The following NRP2 variants were observed in gnomAD, a reference collection of about 807,000 sequenced individuals.
NRP2 encodes the protein neuropilin-2.
NRP2 carries 52 observed loss-of-function variants against 110.4 expected under a neutral mutation model. That is an observed-to-expected ratio of 0.47 (90% CI 0.38 to 0.59). The LOEUF is 0.59. NRP2 is among the 20% of genes least tolerant of loss of function. The probability of loss-of-function intolerance (pLI) is 0.00; values close to 1 mark genes in which losing one functional copy is unlikely to be tolerated. For synonymous variants in NRP2, 508 were observed against 468.9 expected, an observed-to-expected ratio of 1.08 and a Z score of -1.08; for missense variants, 1,049 against 1,203.0, an observed-to-expected ratio of 0.87 and a Z score of 1.89.
At position 205,682,897 on chromosome 2, in the gene NRP2, A is replaced by C. The variant is rs537018123; in HGVS notation, c.-394A>C. 1.9e-5 allele frequency: 4 copies of C among 214,542 alleles called. No homozygotes were observed. The highest frequency in any genetic ancestry group is 7.0e-5 in the African/African-American group (3 of 42,796). The allele number at this position is 214,542 out of a possible 1,614,324, so 13.3% of individuals were successfully genotyped here. A position where few individuals can be genotyped will look rare whatever the true frequency, so the allele number is the denominator to read the frequency against. ...CACACAGCTGCCTGGGGGCCGTGTG[A>C]TGCCCAAGGCAAGTCTTGGTTTTAA... On this transcript the variant is annotated 5_prime_UTR_variant, in exon 1 of 17. It removes an upstream start codon present in the reference 5' UTR. Transcript: ENST00000357785. This position sits in a 1 kb window ranked among gnomAD's most constrained non-coding sequence, Gnocchi z 4.3.
At chr2:205,697,264 G>A (rs887754879) in intron 1 of NRP2, among the ~76,000 whole-genome samples, 3 of 150,882 alleles carry the variant, frequency 2.0e-5, no homozygotes, top group African/African-American at 4.9e-5. Context: ...TTTAATCACA[G>A]ACCATGTAAT....
intron 3 of NRP2, among the ~76,000 whole-genome samples, chr2:205,718,595 T>C (rs1367174652): frequency 6.6e-6 from 1 of 152,198 alleles, no homozygotes; most frequent in Non-Finnish European, 1.5e-5. Flanking sequence ...GGGCCACTCG[T>C]ACCTGCCGTC....
chr2:205,686,379 C>A lies in NRP2; in HGVS notation c.73+3016C>A, dbSNP rs1328728757. On this transcript the variant is annotated intron_variant, in intron 1 of 16. Transcript: ENST00000357785. The surrounding 1 kb of genome is among the most constrained non-coding windows in gnomAD (Gnocchi z 4.7). ...CGAGTTCCCGCCTCCCCTCCCCAGC[C>A]GCCTCGCTCTTTGCTTTTCCACGTG... Among the ~76,000 whole-genome samples the A allele has an allele frequency of 6.6e-6, 1 of 152,220 alleles. No individual in the cohort carries two copies. The highest frequency in any genetic ancestry group is 1.5e-5 in the Non-Finnish European group (1 of 68,048).
At position 205,725,990 on chromosome 2, in the gene NRP2, T is replaced by C; in HGVS notation, c.898T>C (p.Ser300Pro). 6.2e-7 allele frequency: 1 copy of C among 1,614,086 alleles called. No individual in the cohort carries two copies. The highest frequency in any genetic ancestry group is 1.3e-5 in the African/African-American group (1 of 75,024). ...ACAGATCAGTGCCTCATCTACCTAC[T>C]CTGATGGGAGGTGGACCCCTCAACA... The part of the protein sequence containing the change: ...NEQISASSTY[S>P]DGRWTPQQSR... The change falls in exon 6 of 17, where the codon TCT (serine) becomes CCT (proline). Residue 300 changes from serine (S) to proline (P), a missense_variant. Physicochemically the swap from Ser to Pro is moderately conservative, Grantham distance 74 (BLOSUM62 -1). Transcript: ENST00000357785. The surrounding 1 kb of genome is among the most constrained non-coding windows in gnomAD (Gnocchi z 4.1).
chr2:205,684,956 A>C (rs1423642622), intron 1 of NRP2, among the ~76,000 whole-genome samples: 1 of 152,220 alleles, frequency 6.6e-6, no homozygotes, highest in African/African-American at 2.4e-5. Flanking sequence ...GCGAGCGCGC[A>C]CACACTGGCA....
At chr2:205,705,825 C>T (rs2056663463) in intron 2 of NRP2, among the ~76,000 whole-genome samples, 1 of 152,108 alleles carries the variant, frequency 6.6e-6, no homozygotes, top group Admixed American at 6.5e-5. Context: ...CTGTCATCTG[C>T]TGTCCCAGTG....
At position 205,734,874 on chromosome 2, in the gene NRP2, CT is replaced by C. The variant is rs2057315257; in HGVS notation, c.1147-5642del. ...TGTCTTGGAAATATTTCCCTGCTTT[CT>C]TTGCAGTCCCTGGAGCTGGCTGACT... On this transcript the variant is annotated intron_variant, in intron 7 of 16. Transcript: ENST00000357785. 2.6e-5 allele frequency among the ~76,000 whole-genome samples: 4 copies of C among 152,338 alleles called. No homozygotes were observed. In the South Asian group the frequency reaches 8.3e-4, roughly 32 times the overall value.
chr2:205,699,832 G>A (rs2056513924), intron 2 of NRP2, among the ~76,000 whole-genome samples: 1 of 152,084 alleles, frequency 6.6e-6, no homozygotes, highest in African/African-American at 2.4e-5. Context: ...AAAAAGTGAA[G>A]GAGGTCAGAA....
intron 12 of NRP2, among the ~76,000 whole-genome samples, chr2:205,761,228 ATCATTCTCCAT>A (rs1452882938): frequency 6.6e-6 from 1 of 152,204 alleles, no homozygotes; most frequent in Non-Finnish European, 1.5e-5. Context: ...CCGTGTATTT[ATCATTCTCCAT>A]TCATCCATTC....
chr2:205,730,111 C>A (rs77520714), intron 7 of NRP2, among the ~76,000 whole-genome samples: 2,869 of 152,336 alleles, frequency 0.019, 82 homozygotes, highest in African/African-American at 0.064. Context: ...CCCCACTCTC[C>A]AAGCTCCTTC....
At chr2:205,711,479 G>A (rs1328201073) in intron 2 of NRP2, among the ~76,000 whole-genome samples, 2 of 152,166 alleles carry the variant, frequency 1.3e-5, no homozygotes, top group Non-Finnish European at 2.9e-5. Flanking sequence ...TAAGCCTGAA[G>A]GATGAGCAAC....
At chr2:205,706,615 G>A (rs549959630) in intron 2 of NRP2, among the ~76,000 whole-genome samples, 5 of 152,076 alleles carry the variant, frequency 3.3e-5, no homozygotes, top group Admixed American at 2.6e-4. Flanking sequence ...AGTTCAAAGC[G>A]ATTTATCTAT....
rs751890151 is a variant in NRP2 at position 205,743,294 on chromosome 2, C to T, written c.1383C>T (p.Ser461=). 1.9e-6 allele frequency: 3 copies of T among 1,614,152 alleles called. No homozygotes were observed. The highest frequency in any genetic ancestry group is 4.5e-5 in the East Asian group (2 of 44,876). The change falls in exon 9 of 17, where the codon AGC becomes AGT. Residue 461 remains serine, a synonymous_variant. Transcript: ENST00000357785. ...CTTCCACCCAGGAATACCTCTGGAG[C>T]CCCAGTGCAGCCCGCCTGGTTAGCA... is the stretch of plus-strand genomic sequence containing the variant. The part of the protein sequence containing the change: ...SASSTQEYLW[S]PSAARLVSSR...
chr2:205,753,025 C>CA (rs757917481), intron 12 of NRP2, 50 bp downstream of exon 12: 1 of 1,609,016 alleles, frequency 6.2e-7, no homozygotes, highest in South Asian at 1.1e-5. Flanking sequence ...CAGCTTGTTC[C>CA]ACATACTTCA....
At chr2:205,746,003 T>C in intron 10 of NRP2, 113 bp downstream of exon 10, 2 of 1,204,458 alleles carry the variant, frequency 1.7e-6, no homozygotes, top group Admixed American at 1.7e-5. Flanking sequence ...GAGCTGGAAA[T>C]GCTGCAGACC....
At chr2:205,738,216 G>A (rs2057378871) in intron 7 of NRP2, among the ~76,000 whole-genome samples, 1 of 152,168 alleles carries the variant, frequency 6.6e-6, no homozygotes, top group South Asian at 2.1e-4. Flanking sequence ...CACGTGACAA[G>A]TAAAGCTTTT....
intron 6 of NRP2, 119 bp downstream of exon 6, chr2:205,726,201 C>G: frequency 2.0e-6 from 2 of 1,019,044 alleles, no homozygotes; most frequent in Non-Finnish European, 3.0e-6. Flanking sequence ...TACCTGAGAA[C>G]TCCATTCATT....
At chr2:205,696,670 A>T (rs1559308316) in intron 1 of NRP2, among the ~76,000 whole-genome samples, 1 of 152,194 alleles carries the variant, frequency 6.6e-6, no homozygotes, top group Admixed American at 6.5e-5. Flanking sequence ...CAGGCACTGC[A>T]GGTACAGGGA....
In NRP2 at chr2:205,743,493, T is replaced by C. The variant is rs373407554; in HGVS notation, c.1582T>C (p.Tyr528His). 2 of 1,614,182 alleles carry C rather than the reference T, an allele frequency of 1.2e-6. No individual in the cohort carries two copies. Among genetic ancestry groups the C allele is most frequent in the African/African-American group, 2.7e-5 (2 of 75,032 alleles). Residue 528 changes from tyrosine (Y) to histidine (H), a missense_variant, in exon 9 of 17, where the codon TAC (tyrosine) becomes CAC (histidine). Physicochemically the swap from Tyr to His is moderately conservative, Grantham distance 83. Transcript: ENST00000357785. ...ATTTGTGCGCAAGTTCAAAGTCTCC[T>C]ACAGCCTAAACGGCAAGGACTGGGA... ...RAFVRKFKVS[Y>H]SLNGKDWEYI...
Sources: allele counts gnomAD v4.1 joint callset (sites outside exome capture counted in the v4.1 genomes callset), GRCh38; gene constraint gnomAD v4.1.1; non-coding constraint Gnocchi (gnomAD v3.1); transcripts MANE v1.5; gene names NCBI Gene and HGNC (gene_info 2026-07-23, HGNC 2026-07-21).